The following PER3 variants were observed in gnomAD, a reference collection of about 807,000 sequenced individuals.
PER3 encodes the protein period circadian protein homolog 3.
PER3 carries 107 observed loss-of-function variants against 127.2 expected under a neutral mutation model. The observed-to-expected ratio is 0.84, with a 90% CI of 0.72 to 0.99. PER3 has a LOEUF of 0.99. Among genes scored for constraint, PER3 ranks in the 50% least tolerant of loss-of-function variants. PER3 has a pLI of 0.00. For missense variants in PER3, 1,560 were observed against 1,525.8 expected (o/e 1.02, Z -0.37); for synonymous variants, 618 against 585.8 (o/e 1.05, Z -0.79).
At chr1:7,798,373 TATTC>T in intron 6 of PER3, 148 bp from the exon 7 acceptor site, 1 of 614,312 alleles carries the variant, frequency 1.6e-6, no homozygotes, top group Non-Finnish European at 2.8e-6. Context: ...TAAGCTAACA[TATTC>T]TTTCTTTTGA....
At chr1:7,814,864 G>A (rs2097239838) in intron 13 of PER3, among the ~76,000 whole-genome samples, 1 of 152,090 alleles carries the variant, frequency 6.6e-6, no homozygotes, top group African/African-American at 2.4e-5. Context: ...TTATTTGGAG[G>A]TAGACACTGA....
Position 7,843,945 on chromosome 1 carries a change from A to T in PER3, c.*1190A>T. 7.8e-7 allele frequency: 1 copy of T among 1,282,678 alleles called. No homozygotes were observed. The highest frequency in any genetic ancestry group is 1.3e-5 in the South Asian group (1 of 76,734). 79.5% of individuals were successfully genotyped at this position (1,282,678 alleles called of 1,614,324 possible). On this transcript the variant is annotated 3_prime_UTR_variant, in exon 22 of 22. Coordinates refer to ENST00000377532, the MANE Select transcript of PER3 (RefSeq NM_001377275.1). ...AAACTTGGAATGATAGATGAAATTC[A>T]CACCCCTGCAGATCAGAAAAAACAA...
At chr1:7,842,507 A>AAT (rs2097396027) in intron 21 of PER3, 165 bp from the exon 22 acceptor site, 11 of 502,484 alleles carry the variant, frequency 2.2e-5, no homozygotes, top group Non-Finnish European at 2.6e-5. Context: ...CTCAAAAAAA[A>AAT]AAATAAAAAT....
At chr1:7,811,417 T>A (rs546622435) in intron 13 of PER3, 1 of 147,228 alleles carries the variant, frequency 6.8e-6, no homozygotes, top group South Asian at 2.2e-4. Context: ...CTGGGAACTT[T>A]CTTAGTTTGT....
intron 16 of PER3, among the ~76,000 whole-genome samples, chr1:7,822,544 C>T (rs577368657): frequency 4.6e-5 from 7 of 152,164 alleles, no homozygotes; most frequent in African/African-American, 1.4e-4. Flanking sequence ...TGAGCCACAG[C>T]GTCCAGCCCT....
intron 6 of PER3, among the ~76,000 whole-genome samples, chr1:7,794,491 C>CA (rs1043881138): frequency 6.6e-6 from 1 of 150,670 alleles, no homozygotes; most frequent in Non-Finnish European, 1.5e-5. Context: ...GACTCTGTCT[C>CA]AAAAAAAATA....
chr1:7,829,070 G>T (rs2097316351), intron 18 of PER3, among the ~76,000 whole-genome samples: 1 of 152,138 alleles, frequency 6.6e-6, no homozygotes, highest in South Asian at 2.1e-4. Flanking sequence ...AGTTATATAT[G>T]TAAATTTTAT....
chr1:7,824,963 C>T (rs978309607), intron 16 of PER3, among the ~76,000 whole-genome samples: 2 of 152,104 alleles, frequency 1.3e-5, no homozygotes, highest in Non-Finnish European at 1.5e-5. Flanking sequence ...GGGCAGTCCT[C>T]GGGCTCACCT....
chr1:7,787,817 AT>A (rs1253080758), intron 4 of PER3: 8 of 558,336 alleles, frequency 1.4e-5, no homozygotes, highest in African/African-American at 5.7e-5. Context: ...AAGCTAGTAT[AT>A]TTTTTGGCAT....
chr1:7,795,694 C>T (rs1472524954), intron 6 of PER3, among the ~76,000 whole-genome samples: 1 of 152,218 alleles, frequency 6.6e-6, no homozygotes, highest in Non-Finnish European at 1.5e-5. Context: ...GGCCACACCA[C>T]AGGGAGCAGT....
chr1:7,793,019 T>C (rs964437699), intron 5 of PER3, among the ~76,000 whole-genome samples: 2 of 152,256 alleles, frequency 1.3e-5, no homozygotes, highest in African/African-American at 4.8e-5. Context: ...GCTTTATTAA[T>C]GCTTTCTGAC....
chr1:7,832,837 A>ATTTTTTT (rs61585135), intron 19 of PER3, among the ~76,000 whole-genome samples: 1 of 133,004 alleles, frequency 7.5e-6, no homozygotes. Flanking sequence ...CATCCCTCAA[A>ATTTTTTT]TTTTTTTTTT....
chr1:7,801,280 A>G, intron 8 of PER3, 89 bp downstream of exon 8: 1 of 762,190 alleles, frequency 1.3e-6, no homozygotes, highest in Non-Finnish European at 2.2e-6. Flanking sequence ...ATGTTTATAC[A>G]TTATGTAATT....
At chr1:7,786,383 C>T (rs1028941311) in intron 3 of PER3, among the ~76,000 whole-genome samples, 11 of 152,184 alleles carry the variant, frequency 7.2e-5, no homozygotes, top group African/African-American at 1.9e-4. Context: ...TTCTCTTTAG[C>T]ACAAACCTCA....
chr1:7,785,133 G>C (rs1317673594), intron 2 of PER3, 128 bp downstream of exon 2: 2 of 974,732 alleles, frequency 2.1e-6, no homozygotes, highest in African/African-American at 1.7e-5. Flanking sequence ...GGGGAGACTC[G>C]GGCAATGTAG....
chr1:7,828,740 G>A (rs1209141456), intron 18 of PER3, among the ~76,000 whole-genome samples: 1 of 152,268 alleles, frequency 6.6e-6, no homozygotes. Flanking sequence ...TTCTTTGCCT[G>A]TGTTTCCTTA....
chr1:7,802,485 G>A (rs1344569541), intron 8 of PER3, among the ~76,000 whole-genome samples: 2 of 152,064 alleles, frequency 1.3e-5, no homozygotes, highest in Admixed American at 1.3e-4. Context: ...GACTGGTCTC[G>A]AACTCCTGAC....
At chr1:7,795,101 G>T (rs72855205) in intron 6 of PER3, among the ~76,000 whole-genome samples, 3 of 152,254 alleles carry the variant, frequency 2.0e-5, no homozygotes, top group South Asian at 2.1e-4. Context: ...GGATGCTTGG[G>T]GGGGACGGCC....
intron 21 of PER3, among the ~76,000 whole-genome samples, chr1:7,837,550 G>C (rs1028049034): frequency 2.6e-5 from 4 of 152,228 alleles, no homozygotes; most frequent in Admixed American, 6.5e-5. Context: ...ATTCACACCA[G>C]AGGTAGTATT....
Sources: gnomAD v4.1 joint callset for allele counts (sites outside exome capture counted in the v4.1 genomes callset) on GRCh38, gnomAD v4.1.1 for gene constraint, MANE v1.5 for transcripts, NCBI Gene and HGNC (gene_info 2026-07-23, HGNC 2026-07-21) for gene names.